The following NME8 variants were observed in gnomAD, a reference collection of about 807,000 sequenced individuals.
NME8 encodes the protein protein NME8.
NME8 carries 72 observed loss-of-function variants against 82.3 expected under a neutral mutation model. The ratio of observed to expected loss-of-function variants is 0.87; its 90% CI spans 0.72 to 1.06. The LOEUF (loss-of-function observed/expected upper bound fraction) is 1.06. Among genes scored for constraint, NME8 ranks in the 50% least tolerant of loss-of-function variants. The pLI is 0.00. For missense variants in NME8, 712 were observed against 685.4 expected, an observed-to-expected ratio of 1.04 and a Z score of -0.43; for synonymous variants, 267 against 228.5, an observed-to-expected ratio of 1.17 and a Z score of -1.52.
chr7:37,888,179 T>C (rs907440436), intron 14 of NME8, 98 bp from the exon 15 acceptor site: 2 of 1,226,472 alleles, frequency 1.6e-6, no homozygotes, highest in Admixed American at 3.4e-5. Context: ...TCTGGAATTA[T>C]TTGCTGTTAT....
At chr7:37,877,772 C>G (rs1000055522) in intron 12 of NME8, among the ~76,000 whole-genome samples, 2 of 152,132 alleles carry the variant, frequency 1.3e-5, no homozygotes, top group Non-Finnish European at 2.9e-5. Context: ...CCTCTACTCA[C>G]TAAAAGTCAG....
rs115132982 is a variant in NME8, at chr7:37,848,880, G to A, written c.-184G>A. On this transcript the variant is annotated 5_prime_UTR_variant, in exon 2 of 18. Transcript: ENST00000199447. ...TGAATCAGCTGGAGAAGAAAGCCCA[G>A]CAGGAGGCCTGCTAGCCTCAGCCTC... 3,076 of 152,394 alleles carry A rather than the reference G, an allele frequency of 0.02. 108 individuals are homozygous for A. Among genetic ancestry groups the A allele is most frequent in the African/African-American group, 0.07 (2,900 of 41,530 alleles). The allele number at this position is 152,394 out of a possible 1,614,324, so 9.4% of individuals were successfully genotyped here.
Position 37,897,034 on chromosome 7 carries a change from A to G in NME8, c.1709A>G (p.Asn570Ser). The G allele has an allele frequency of 6.2e-7, 1 of 1,613,950 alleles. No homozygotes were observed. Among genetic ancestry groups the G allele is most frequent in the Non-Finnish European group, 8.5e-7 (1 of 1,179,896 alleles). Reference protein sequence around the residue: ...KLKNIVHGASNAYEAKEVVNR... With the variant: ...KLKNIVHGASSAYEAKEVVNR... ...AAAAACATTGTCCATGGAGCATCTAACGCCTATGAAGCAAAAGAGGTTGTT... is the reference window on the plus strand; with the variant it reads ...AAAAACATTGTCCATGGAGCATCTAGCGCCTATGAAGCAAAAGAGGTTGTT... The change falls in exon 17 of 18, where the codon AAC becomes AGC. Residue 570 changes from asparagine (N) to serine (S), a missense_variant. Asn to Ser is a conservative substitution (Grantham distance 46, BLOSUM62 1). Coordinates refer to ENST00000199447, the MANE Select transcript of NME8 (RefSeq NM_016616.5).
intron 5 of NME8, among the ~76,000 whole-genome samples, chr7:37,853,207 T>A (rs1445652945): frequency 6.6e-6 from 1 of 152,240 alleles, no homozygotes; most frequent in African/African-American, 2.4e-5. Context: ...TCAAGTATTC[T>A]GTGTATTTTG....
intron 5 of NME8, among the ~76,000 whole-genome samples, chr7:37,855,326 A>G (rs1784495097): frequency 6.6e-6 from 1 of 152,180 alleles, no homozygotes; most frequent in Non-Finnish European, 1.5e-5. Flanking sequence ...CAACTGAAAG[A>G]CTGGCAGCTG....
chr7:37,870,460 A>G (rs1449371233), intron 11 of NME8, among the ~76,000 whole-genome samples: 1 of 151,658 alleles, frequency 6.6e-6, no homozygotes, highest in Non-Finnish European at 1.5e-5. Flanking sequence ...GTGGTGGTGC[A>G]TGCCTGTAGT....
chr7:37,865,640 A>G, intron 10 of NME8, 23 bp downstream of exon 10: 1 of 1,510,940 alleles, frequency 6.6e-7, no homozygotes, highest in Admixed American at 1.7e-5. Context: ...AAAAGAAAAA[A>G]TCCTCTATGT....
At chr7:37,856,364 G>A (rs548126221) in intron 5 of NME8, among the ~76,000 whole-genome samples, 1 of 152,260 alleles carries the variant, frequency 6.6e-6, no homozygotes, top group East Asian at 1.9e-4. Context: ...TCCAGGTGAG[G>A]ACATTAGTGG....
chr7:37,854,574 G>A (rs1784484467), intron 5 of NME8, among the ~76,000 whole-genome samples: 1 of 152,152 alleles, frequency 6.6e-6, no homozygotes, highest in Non-Finnish European at 1.5e-5. Context: ...TATCATAGAA[G>A]GGTCCATGTC....
intron 12 of NME8, among the ~76,000 whole-genome samples, chr7:37,877,896 T>C (rs961123357): frequency 6.6e-6 from 1 of 152,208 alleles, no homozygotes; most frequent in African/African-American, 2.4e-5. Context: ...CTGAGAATCA[T>C]TGATATACAC....
chr7:37,890,564 T>C (rs1785114626), intron 15 of NME8, among the ~76,000 whole-genome samples: 1 of 151,960 alleles, frequency 6.6e-6, no homozygotes, highest in Non-Finnish European at 1.5e-5. Context: ...TATCTCTCCC[T>C]ATTTCTCCCT....
At chr7:37,876,643 C>A (rs2131959987) in intron 11 of NME8, among the ~76,000 whole-genome samples, 189 bp from the exon 12 acceptor site, 1 of 151,994 alleles carries the variant, frequency 6.6e-6, no homozygotes, top group East Asian at 1.9e-4. Flanking sequence ...TTGTAGTGGG[C>A]TCAATAAAAA....
At position 37,850,405 on chromosome 7, in the gene NME8, G is replaced by A; in HGVS notation, c.61G>A (p.Asp21Asn). The change falls in exon 4 of 18, where the codon GAT (aspartate) becomes AAT (asparagine). Residue 21 changes from aspartate (D) to asparagine (N), a missense_variant. Asp to Asn is a conservative substitution (Grantham distance 23). Transcript: ENST00000199447. Reference protein sequence around the residue: ...QTVINNQSLWDEMLQNKGLTV... With the variant: ...QTVINNQSLWNEMLQNKGLTV... ...AGTCATCAATAATCAAAGCCTGTGG[G>A]ATGAGATGTTGCAGAACAAAGGCTT... 9.9e-6 allele frequency: 16 copies of A among 1,614,126 alleles called. No individual in the cohort carries two copies. Among genetic ancestry groups the A allele is most frequent in the Non-Finnish European group, 1.3e-5 (15 of 1,180,004 alleles).
At chr7:37,868,545 G>T (rs1784725262) in intron 11 of NME8, among the ~76,000 whole-genome samples, 1 of 152,114 alleles carries the variant, frequency 6.6e-6, no homozygotes, top group African/African-American at 2.4e-5. Flanking sequence ...TGGCCCTCAG[G>T]TGATCTTTGC....
At chr7:37,874,975 T>C (rs1784823636) in intron 11 of NME8, among the ~76,000 whole-genome samples, 2 of 152,122 alleles carry the variant, frequency 1.3e-5, no homozygotes, top group Admixed American at 6.5e-5. Flanking sequence ...ACACCTCCTA[T>C]GTGATGGAGC....
intron 17 of NME8, among the ~76,000 whole-genome samples, chr7:37,898,563 A>G (rs989476798): frequency 2.6e-5 from 4 of 152,236 alleles, no homozygotes; most frequent in African/African-American, 9.6e-5. Flanking sequence ...ATTGATGCAT[A>G]CTGCAACATG....
chr7:37,888,639 C>T (rs1444997753), intron 15 of NME8, among the ~76,000 whole-genome samples: 2 of 152,102 alleles, frequency 1.3e-5, no homozygotes, highest in Non-Finnish European at 2.9e-5. Flanking sequence ...CCTCATCCTT[C>T]TCTGTCTTTC....
At position 37,894,577 on chromosome 7, in the gene NME8, AC is replaced by A. The variant is rs1583646616; in HGVS notation, c.1512del (p.Tyr506IlefsTer16). 8.8e-6 allele frequency: 14 copies of A among 1,598,186 alleles called. No individual in the cohort carries two copies. The East Asian group carries it at 2.9e-4, about 33-fold the overall frequency. ...ATTTATCCAAAAGTAACAGGAAAAG[AC>A]TTTTATAAAGATTTATTGGAAATGT... ...EKIYPKVTGK[D>X]FYKDLLEMLS... On this transcript the variant is annotated frameshift_variant, in exon 16 of 18. Coordinates refer to ENST00000199447, the MANE Select transcript of NME8 (RefSeq NM_016616.5). LOFTEE classifies it high-confidence loss of function.
chr7:37,889,415 C>G (rs1785095804), intron 15 of NME8, among the ~76,000 whole-genome samples: 1 of 150,846 alleles, frequency 6.6e-6, no homozygotes, highest in Non-Finnish European at 1.5e-5. Flanking sequence ...TTATGTTCTT[C>G]TAGCTTTTTG....
Sources: allele counts gnomAD v4.1 joint callset (sites outside exome capture counted in the v4.1 genomes callset), GRCh38; gene constraint gnomAD v4.1.1; transcripts MANE v1.5; gene names NCBI Gene and HGNC (gene_info 2026-07-23, HGNC 2026-07-21).